The following THSD7B variants were observed in gnomAD, a reference collection of about 807,000 sequenced individuals.
THSD7B encodes thrombospondin type 1 domain containing 7B, also known as thrombospondin type-1 domain-containing protein 7B.
In THSD7B, 138 loss-of-function variants were observed where a neutral mutation model predicts 213.6. The observed-to-expected ratio is 0.65, with a 90% CI of 0.56 to 0.74. The LOEUF is 0.74. Among genes scored for constraint, THSD7B ranks in the 30% least tolerant of loss-of-function variants. The pLI, the probability that THSD7B is intolerant of heterozygous loss-of-function variation, is 0.00. For missense variants in THSD7B, 1,931 were observed against 1,991.5 expected, an observed-to-expected ratio of 0.97 and a Z score of 0.58; for synonymous variants, 742 against 687.0, an observed-to-expected ratio of 1.08 and a Z score of -1.25.
At chr2:137,008,152 C>T (rs986468602) in intron 2 of THSD7B, among the ~76,000 whole-genome samples, 1 of 151,832 alleles carries the variant, frequency 6.6e-6, no homozygotes, top group Non-Finnish European at 1.5e-5. Context: ...AGAAAAATAC[C>T]CTCTGGCCAA....
intron 15 of THSD7B, among the ~76,000 whole-genome samples, chr2:137,453,491 G>A (rs1204794180): frequency 3.3e-5 from 5 of 151,474 alleles, no homozygotes; most frequent in Non-Finnish European, 5.9e-5. Flanking sequence ...CACCACGCCC[G>A]GCTAATTTTT....
chr2:136,954,674 G>A (rs1354205010), intron 2 of THSD7B, among the ~76,000 whole-genome samples: 2 of 133,462 alleles, frequency 1.5e-5, no homozygotes, highest in Admixed American at 8.7e-5. Context: ...CCAAGATGGC[G>A]CCACTGCACT....
intron 1 of THSD7B, among the ~76,000 whole-genome samples, chr2:136,860,035 T>TTG (rs1683235391): frequency 6.7e-6 from 1 of 150,090 alleles, no homozygotes; most frequent in Non-Finnish European, 1.5e-5. Context: ...TTTTTTTTTT[T>TTG]GAGATGGAGT....
At chr2:137,041,587 T>C (rs773865172) in intron 2 of THSD7B, among the ~76,000 whole-genome samples, 5 of 150,188 alleles carry the variant, frequency 3.3e-5, no homozygotes, top group Non-Finnish European at 5.9e-5. Context: ...AACTACATCG[T>C]ACGTAAGAAA....
At chr2:137,618,365 T>C in intron 18 of THSD7B, 27 bp from the exon 19 acceptor site, 2 of 1,600,040 alleles carry the variant, frequency 1.2e-6, no homozygotes, top group Non-Finnish European at 1.7e-6. Context: ...ATTTTGAAAC[T>C]CAGTGTGGGT....
chr2:137,452,264 G>A (rs996343134), intron 15 of THSD7B, among the ~76,000 whole-genome samples: 1 of 151,880 alleles, frequency 6.6e-6, no homozygotes, highest in Non-Finnish European at 1.5e-5. Context: ...ACCTTTTAGG[G>A]AAAATAAAGC....
intron 1 of THSD7B, among the ~76,000 whole-genome samples, chr2:136,844,613 G>C (rs1298654668): frequency 6.6e-6 from 1 of 152,138 alleles, no homozygotes; most frequent in African/African-American, 2.4e-5. Context: ...ATTTGGAGAA[G>C]GGCTAAGATT....
chr2:137,267,504 C>A (rs140640186), intron 10 of THSD7B, among the ~76,000 whole-genome samples: 1,582 of 151,602 alleles, frequency 0.01, 32 homozygotes, highest in African/African-American at 0.037. Context: ...ACCTCCCCCC[C>A]AAATCCCCCA....
chr2:137,544,408 A>G (rs568543562), intron 15 of THSD7B, among the ~76,000 whole-genome samples: 1 of 151,996 alleles, frequency 6.6e-6, no homozygotes, highest in South Asian at 2.1e-4. Flanking sequence ...TCATAGAAGC[A>G]GAAAGTAAAC....
At chr2:137,150,988 G>T (rs1442722518) in intron 5 of THSD7B, among the ~76,000 whole-genome samples, 1 of 152,164 alleles carries the variant, frequency 6.6e-6, no homozygotes, top group Non-Finnish European at 1.5e-5. Flanking sequence ...CATGAATTGG[G>T]CTCGTAGGAG....
At chr2:136,844,845 G>T (rs1682982944) in intron 1 of THSD7B, among the ~76,000 whole-genome samples, 1 of 152,240 alleles carries the variant, frequency 6.6e-6, no homozygotes, top group South Asian at 2.1e-4. Flanking sequence ...CCATCAGAGT[G>T]CAAGGTGGTA....
At chr2:137,617,860 T>A (rs560086184) in intron 18 of THSD7B, among the ~76,000 whole-genome samples, 1 of 152,210 alleles carries the variant, frequency 6.6e-6, no homozygotes, top group South Asian at 2.1e-4. Context: ...CAAGCTCCCT[T>A]AGGCCTCCTT....
At chr2:137,371,730 C>A (rs1685538280) in intron 12 of THSD7B, among the ~76,000 whole-genome samples, 1 of 151,902 alleles carries the variant, frequency 6.6e-6, no homozygotes, top group Admixed American at 6.6e-5. Context: ...TGAAAGATTT[C>A]TTTGACTTAA....
intron 5 of THSD7B, among the ~76,000 whole-genome samples, chr2:137,147,355 G>A (rs1679722653): frequency 6.6e-6 from 1 of 152,074 alleles, no homozygotes; most frequent in Non-Finnish European, 1.5e-5. Flanking sequence ...AATCCCATGA[G>A]CCTTCCTTTG....
At chr2:137,162,820 C>T (rs185624980) in intron 6 of THSD7B, among the ~76,000 whole-genome samples, 2 of 151,922 alleles carry the variant, frequency 1.3e-5, no homozygotes, top group Non-Finnish European at 2.9e-5. Context: ...AGTGCAATGG[C>T]GTGATCTTGG....
intron 7 of THSD7B, among the ~76,000 whole-genome samples, chr2:137,217,591 G>A (rs4627638): frequency 0.17 from 26,416 of 152,032 alleles, 3,079 homozygotes; most frequent in South Asian, 0.4. Context: ...AGTGCCTTTA[G>A]CAGTATTCAT....
chr2:136,806,242 A>G (rs935601174), intron 1 of THSD7B, among the ~76,000 whole-genome samples: 3 of 152,190 alleles, frequency 2.0e-5, no homozygotes, highest in Admixed American at 2.0e-4. Context: ...ATATCCTGGG[A>G]TTCAGAAAGG....
intron 5 of THSD7B, among the ~76,000 whole-genome samples, chr2:137,126,700 A>G (rs1351945585): frequency 6.6e-6 from 1 of 152,204 alleles, no homozygotes; most frequent in Non-Finnish European, 1.5e-5. Flanking sequence ...GAACTGGGCT[A>G]ATTGTTTGAC....
At chr2:136,880,303 T>C (rs1179329377) in intron 1 of THSD7B, among the ~76,000 whole-genome samples, 3 of 152,178 alleles carry the variant, frequency 2.0e-5, no homozygotes, top group Non-Finnish European at 4.4e-5. Flanking sequence ...ATAGTCAGAT[T>C]TGCCACCCAC....
Sources: allele counts gnomAD v4.1 joint callset (sites outside exome capture counted in the v4.1 genomes callset), GRCh38; gene constraint gnomAD v4.1.1; transcripts MANE v1.5; gene names NCBI Gene and HGNC (gene_info 2026-07-23, HGNC 2026-07-21).